Variants in SDK1 observed in about 807,000 individuals in gnomAD.
SDK1 encodes sidekick cell adhesion molecule 1.
Under a neutral mutation model 245.5 loss-of-function variants are expected in SDK1, and 157 were observed. The observed-to-expected ratio is 0.64, with a 90% CI of 0.56 to 0.73. The LOEUF is 0.73. SDK1 is among the 30% of genes least tolerant of loss of function. SDK1 has a pLI of 0.00. For synonymous variants in SDK1, 1,647 were observed against 1,278.5 expected (o/e 1.29, Z -6.15); for missense variants, 3,583 against 3,002.3 (o/e 1.19, Z -4.52).
At chr7:3,315,116 G>C (rs1388259765) in intron 1 of SDK1, among the ~76,000 whole-genome samples, 1 of 152,130 alleles carries the variant, frequency 6.6e-6, no homozygotes, top group Non-Finnish European at 1.5e-5. Context: ...CACAGTGGCT[G>C]ATGTGGCACA....
intron 5 of SDK1, among the ~76,000 whole-genome samples, chr7:3,857,155 A>T (rs1300739089): frequency 2.0e-5 from 3 of 152,136 alleles, no homozygotes; most frequent in Admixed American, 6.5e-5. Context: ...ATCTAACAAA[A>T]ATCTACTGGA....
intron 22 of SDK1, among the ~76,000 whole-genome samples, chr7:4,098,694 C>T (rs1213107181): frequency 2.0e-5 from 3 of 151,860 alleles, no homozygotes; most frequent in Admixed American, 6.6e-5. Context: ...GATAGGGTCT[C>T]GCTCTGTCAC....
At chr7:3,454,805 GT>G (rs1310997104) in intron 1 of SDK1, among the ~76,000 whole-genome samples, 2 of 152,136 alleles carry the variant, frequency 1.3e-5, no homozygotes, top group African/African-American at 4.8e-5. Flanking sequence ...TTCCATGCAG[GT>G]TTTTGTGCAG....
chr7:3,546,949 A>G (rs1461420154), intron 1 of SDK1, among the ~76,000 whole-genome samples: 1 of 152,228 alleles, frequency 6.6e-6, no homozygotes, highest in East Asian at 1.9e-4. Context: ...CTATGAAGTC[A>G]TCTTTTCACA....
At chr7:3,453,596 C>T (rs774737176) in intron 1 of SDK1, among the ~76,000 whole-genome samples, 46 of 152,216 alleles carry the variant, frequency 3.0e-4, no homozygotes, top group Middle Eastern at 3.4e-3. Flanking sequence ...GAAGGAATGC[C>T]GACAGCTGCC....
At chr7:3,633,836 G>T (rs568737278) in intron 2 of SDK1, among the ~76,000 whole-genome samples, 2 of 152,178 alleles carry the variant, frequency 1.3e-5, no homozygotes, top group South Asian at 2.1e-4. Flanking sequence ...AGATTGGGCA[G>T]GAACAGAGTG....
chr7:3,411,584 T>C (rs1226471686), intron 1 of SDK1, among the ~76,000 whole-genome samples: 1 of 152,206 alleles, frequency 6.6e-6, no homozygotes, highest in African/African-American at 2.4e-5. Context: ...CTTATGGATC[T>C]GTGATACTTC....
intron 14 of SDK1, among the ~76,000 whole-genome samples, chr7:3,990,732 CT>C (rs1479421682): frequency 6.6e-6 from 1 of 152,228 alleles, no homozygotes; most frequent in Non-Finnish European, 1.5e-5. Flanking sequence ...TGAAATTCAT[CT>C]CTCCAGTGGA....
intron 14 of SDK1, 134 bp downstream of exon 14, chr7:3,987,456 A>G: frequency 5.5e-6 from 5 of 914,920 alleles, no homozygotes; most frequent in East Asian, 2.5e-5. Context: ...CAGGGTTTCA[A>G]ACACAGCCTG....
intron 4 of SDK1, among the ~76,000 whole-genome samples, chr7:3,693,281 T>C (rs1784483531): frequency 6.6e-6 from 1 of 152,210 alleles, no homozygotes; most frequent in Admixed American, 6.5e-5. Flanking sequence ...TTTCCCTTTT[T>C]GCATAAAAAT....
chr7:4,049,395 A>G lies in SDK1; in HGVS notation c.2650A>G (p.Thr884Ala), dbSNP rs1453745631. Residue 884 changes from threonine to alanine, a missense_variant, in exon 18 of 45, where the codon ACC becomes GCC. Thr to Ala is a moderately conservative substitution (Grantham distance 58). Transcript: ENST00000404826. The part of the protein sequence containing the change: ...QNVQTEAVNS[T>A]TIQFLWNPPP... ...CGTGCAGACGGAAGCCGTGAACTCC[A>G]CCACCATTCAGTTCCTGTGGAACCC... The G allele has an allele frequency of 1.2e-6, 2 of 1,613,904 alleles. No individual in the cohort carries two copies. The highest frequency in any genetic ancestry group is 1.7e-6 in the Non-Finnish European group (2 of 1,180,002).
chr7:3,887,981 C>T (rs751242759), intron 5 of SDK1, among the ~76,000 whole-genome samples: 1 of 152,128 alleles, frequency 6.6e-6, no homozygotes, highest in Non-Finnish European at 1.5e-5. Context: ...GAAAAAGTGA[C>T]CACTATGTAG....
chr7:4,103,035 C>G (rs1429353599), intron 22 of SDK1, among the ~76,000 whole-genome samples: 1 of 147,092 alleles, frequency 6.8e-6, no homozygotes, highest in African/African-American at 2.5e-5. Flanking sequence ...GAGTCTCACT[C>G]TGTCACCCAG....
chr7:4,248,272 CTAAA>C (rs897681432), intron 44 of SDK1, among the ~76,000 whole-genome samples: 11 of 151,382 alleles, frequency 7.3e-5, no homozygotes, highest in African/African-American at 2.7e-4. Context: ...ACACACACAC[CTAAA>C]TACACACACA....
intron 14 of SDK1, among the ~76,000 whole-genome samples, chr7:4,008,171 T>G (rs1423684230): frequency 6.6e-6 from 1 of 152,252 alleles, no homozygotes; most frequent in East Asian, 1.9e-4. Context: ...TTATTTCATG[T>G]AGTATACTGT....
chr7:3,303,059 CT>C (rs1350958761), intron 1 of SDK1, among the ~76,000 whole-genome samples: 1 of 152,094 alleles, frequency 6.6e-6, no homozygotes, highest in East Asian at 1.9e-4. Context: ...AATTGTGCCC[CT>C]CCACCCCCCT....
At chr7:4,158,387 A>G (rs896503039) in intron 30 of SDK1, 61 bp from the exon 31 acceptor site, 45 of 1,369,870 alleles carry the variant, frequency 3.3e-5, no homozygotes, top group Non-Finnish European at 4.2e-5. Flanking sequence ...TTCACCAGGA[A>G]TGCCTGAGGG....
chr7:3,773,353 GT>G (rs199772435), intron 4 of SDK1, among the ~76,000 whole-genome samples: 2 of 150,298 alleles, frequency 1.3e-5, no homozygotes, highest in Non-Finnish European at 3.0e-5. Context: ...TATCACTTCA[GT>G]TTTTTTTTCT....
At chr7:3,874,275 C>G (rs1248437493) in intron 5 of SDK1, among the ~76,000 whole-genome samples, 1 of 152,214 alleles carries the variant, frequency 6.6e-6, no homozygotes. Context: ...TCCGTATCTG[C>G]TCCCCATTTG....
Sources: allele counts gnomAD v4.1 joint callset (sites outside exome capture counted in the v4.1 genomes callset), GRCh38; gene constraint gnomAD v4.1.1; transcripts MANE v1.5; gene names NCBI Gene and HGNC (gene_info 2026-07-23, HGNC 2026-07-21).